The following PRORP variants were observed in gnomAD, a reference collection of about 807,000 sequenced individuals.
The protein encoded by PRORP is protein only RNase P catalytic subunit.
A neutral mutation model predicts 59.4 loss-of-function variants in PRORP; 51 were observed. That is an observed-to-expected ratio of 0.86 (90% CI 0.69 to 1.08). The LOEUF (loss-of-function observed/expected upper bound fraction) is 1.08. Among genes scored for constraint, PRORP ranks in the 50% least tolerant of loss-of-function variants. The pLI, the probability that PRORP is intolerant of heterozygous loss-of-function variation, is 0.00. For synonymous variants in PRORP, 231 were observed against 245.6 expected (o/e 0.94, Z 0.55); for missense variants, 646 against 690.3 (o/e 0.94, Z 0.72).
intron 4 of PRORP, among the ~76,000 whole-genome samples, chr14:35,177,154 T>C (rs1595246900): frequency 6.6e-6 from 1 of 151,782 alleles, no homozygotes; most frequent in African/African-American, 2.4e-5. Flanking sequence ...CAGTATTTTA[T>C]TGAGGATTTT....
intron 5 of PRORP, among the ~76,000 whole-genome samples, chr14:35,208,917 C>T (rs1436348937): frequency 2.0e-5 from 3 of 151,918 alleles, no homozygotes; most frequent in South Asian, 4.2e-4. Context: ...GTCTGAGGCA[C>T]GAGAATCACT....
At chr14:35,268,780 G>C (rs4982253) in intron 6 of PRORP, among the ~76,000 whole-genome samples, 30,551 of 152,048 alleles carry the variant, frequency 0.2, 3,611 homozygotes, top group East Asian at 0.32. Context: ...ATTTTTAGTG[G>C]AGATGGGGTT....
intron 5 of PRORP, among the ~76,000 whole-genome samples, chr14:35,199,403 G>C (rs535664992): frequency 6.6e-6 from 1 of 151,312 alleles, no homozygotes; most frequent in African/African-American, 2.4e-5. Context: ...CCACATTCAT[G>C]TTGAAACTTA....
At chr14:35,184,759 GT>G (rs1277788982) in intron 5 of PRORP, among the ~76,000 whole-genome samples, 31 of 152,204 alleles carry the variant, frequency 2.0e-4, no homozygotes, top group African/African-American at 7.5e-4. Flanking sequence ...CCACTTATAA[GT>G]GAGAACATGT....
Position 35,124,149 on chromosome 14 carries a change from C to G in PRORP, c.904C>G (p.Leu302Val). 6.2e-7 allele frequency: 1 copy of G among 1,604,536 alleles called. No individual in the cohort carries two copies. The highest frequency in any genetic ancestry group is 1.1e-5 in the South Asian group (1 of 90,306). The change falls in exon 2 of 8, where the codon CTA becomes GTA. Residue 302 changes from leucine (L) to valine (V), a missense_variant. By Grantham distance (32) the Leu-to-Val change is conservative. Coordinates refer to ENST00000534898, the MANE Select transcript of PRORP (RefSeq NM_014672.4). The stretch of plus-strand genomic sequence containing the variant: ...GGATGATAACTATTCAAATAAACTA[C>G]TAGATATTCTTTCATATCTAAGAAA... ...IKDDNYSNKL[L>V]DILSYLRNNQ...
chr14:35,146,011 A>T (rs1160804649), intron 4 of PRORP, among the ~76,000 whole-genome samples: 1 of 151,516 alleles, frequency 6.6e-6, no homozygotes, highest in Non-Finnish European at 1.5e-5. Flanking sequence ...TTATATTTTT[A>T]GTAAAGAAGG....
intron 4 of PRORP, among the ~76,000 whole-genome samples, chr14:35,139,850 G>A (rs927610499): frequency 1.4e-5 from 2 of 145,422 alleles, no homozygotes; most frequent in African/African-American, 4.9e-5. Context: ...TCCTTTTGAA[G>A]GATCCAGGGA....
intron 4 of PRORP, among the ~76,000 whole-genome samples, chr14:35,151,270 G>A (rs2047737618): frequency 6.6e-6 from 1 of 151,834 alleles, no homozygotes; most frequent in South Asian, 2.1e-4. Context: ...TTTTCATTTG[G>A]TCTTCTTAGA....
chr14:35,142,262 A>T (rs1486634918), intron 4 of PRORP, among the ~76,000 whole-genome samples: 4 of 138,284 alleles, frequency 2.9e-5, no homozygotes. Context: ...CATTCCTCCC[A>T]CCTCAGCCTC....
chr14:35,228,899 A>G (rs1425433150), intron 5 of PRORP, among the ~76,000 whole-genome samples: 1 of 152,180 alleles, frequency 6.6e-6, no homozygotes. Context: ...GACTGAACCA[A>G]TCTATATTCC....
rs147087291 is a variant in PRORP at position 35,252,684 on chromosome 14, C to T, written c.1276-14043C>T. On this transcript the variant is annotated intron_variant, in intron 5 of 7. Coordinates refer to ENST00000534898, the MANE Select transcript of PRORP (RefSeq NM_014672.4). ...CCACACCAGCTATATCTCATCTGCACTGTTGCCCTCAAGCCTCCTACTTCA... is the reference window on the plus strand; with the variant it reads ...CCACACCAGCTATATCTCATCTGCATTGTTGCCCTCAAGCCTCCTACTTCA... 5.3e-5 allele frequency among the ~76,000 whole-genome samples: 8 copies of T among 152,296 alleles called. No homozygotes were observed. The East Asian group carries it at 1.4e-3, about 26-fold the overall frequency.
intron 5 of PRORP, among the ~76,000 whole-genome samples, chr14:35,188,502 T>G (rs2048799796): frequency 6.6e-6 from 1 of 152,098 alleles, no homozygotes; most frequent in South Asian, 2.1e-4. Context: ...TTATAATTTT[T>G]AACTATATAC....
At chr14:35,195,118 TTAAC>T (rs1555327362) in intron 5 of PRORP, among the ~76,000 whole-genome samples, 1 of 152,164 alleles carries the variant, frequency 6.6e-6, no homozygotes, top group Non-Finnish European at 1.5e-5. Context: ...TTAGAAAACA[TTAAC>T]TAGGCCATAC....
intron 5 of PRORP, among the ~76,000 whole-genome samples, chr14:35,239,414 T>C (rs1162040150): frequency 6.6e-6 from 1 of 152,032 alleles, no homozygotes; most frequent in African/African-American, 2.4e-5. Flanking sequence ...AGATGTCTGC[T>C]TCCCTAAAAA....
Position 35,266,920 on chromosome 14 carries a change from T to TA in PRORP, c.1424+45_1424+46insA. ...GGTGAATTATACTGTGCTGCAGACA[T>TA]CTATCTGCTTGTTAGTTACCTACTT... On this transcript the variant is annotated intron_variant, in intron 6 of 7. Coordinates refer to ENST00000534898, the MANE Select transcript of PRORP (RefSeq NM_014672.4). The TA allele has an allele frequency of 2.5e-6, 4 of 1,598,898 alleles. No homozygotes were observed. In the South Asian group the frequency reaches 4.4e-5, roughly 18 times the overall value.
At chr14:35,202,022 T>C (rs145347292) in intron 5 of PRORP, among the ~76,000 whole-genome samples, 5,927 of 149,592 alleles carry the variant, frequency 0.04, 166 homozygotes, top group Non-Finnish European at 0.059. Flanking sequence ...CAGGCTGGAG[T>C]GCAGTGGTGT....
At chr14:35,174,705 G>A (rs1391991534) in intron 4 of PRORP, among the ~76,000 whole-genome samples, 1 of 151,240 alleles carries the variant, frequency 6.6e-6, no homozygotes, top group African/African-American at 2.4e-5. Flanking sequence ...TTGGCCTACA[G>A]AACAGGACTT....
chr14:35,224,721 G>A (rs937349659), intron 5 of PRORP, among the ~76,000 whole-genome samples: 2 of 152,136 alleles, frequency 1.3e-5, no homozygotes, highest in African/African-American at 2.4e-5. Flanking sequence ...TTTGTCAGAC[G>A]TGTAACACTT....
intron 4 of PRORP, among the ~76,000 whole-genome samples, chr14:35,161,706 G>A (rs987759420): frequency 2.0e-5 from 3 of 152,044 alleles, no homozygotes; most frequent in Non-Finnish European, 2.9e-5. Context: ...GATATGAAAA[G>A]GAAGAAGAGT....
Sources: gnomAD v4.1 joint callset for allele counts (sites outside exome capture counted in the v4.1 genomes callset) on GRCh38, gnomAD v4.1.1 for gene constraint, MANE v1.5 for transcripts, NCBI Gene and HGNC (gene_info 2026-07-23, HGNC 2026-07-21) for gene names.